Variants in FANCB observed in about 807,000 individuals in gnomAD.
The protein encoded by FANCB is FA complementation group B, also known as Fanconi anemia group B protein.
A neutral mutation model predicts 38.9 loss-of-function variants in FANCB; 5 were observed. The observed-to-expected ratio is 0.13, with a 90% CI of 0.07 to 0.27. FANCB has a LOEUF of 0.27. Among genes scored for constraint, FANCB ranks in the 10% least tolerant of loss-of-function variants. The pLI, the probability that FANCB is intolerant of heterozygous loss-of-function variation, is 1.00. For missense variants in FANCB, 573 were observed against 602.7 expected, an observed-to-expected ratio of 0.95 and a Z score of 0.52; for synonymous variants, 236 against 215.4, an observed-to-expected ratio of 1.10 and a Z score of -0.84.
At chrX:14,775,984 G>A in the FANCB span, among the ~76,000 whole-genome samples, 1 of 110,887 alleles carries the variant, frequency 9.0e-6, no homozygotes, top group Non-Finnish European at 1.9e-5. Flanking sequence ...GTGCCCAGTG[G>A]ACAGGTCATC....
chrX:14,833,671 G>A (rs1459390227), downstream of FANCB, among the ~76,000 whole-genome samples: 1 of 42,181 alleles, frequency 2.4e-5, no homozygotes, highest in South Asian at 1.6e-3. Flanking sequence ...GGGAGGCTGG[G>A]TGTGGGGGGG....
the FANCB span, among the ~76,000 whole-genome samples, chrX:14,749,216 A>G: frequency 8.9e-6 from 1 of 112,043 alleles, no homozygotes; most frequent in Non-Finnish European, 1.9e-5. Flanking sequence ...ACCAAGGAAC[A>G]TTTGTGTGAG....
chrX:14,848,712 C>T (rs2092387779), intron 7 of FANCB, among the ~76,000 whole-genome samples: 1 of 111,936 alleles, frequency 8.9e-6, no homozygotes, highest in Non-Finnish European at 1.9e-5. Flanking sequence ...GTATACTGTA[C>T]TTCTACATAC....
At chrX:14,717,073 T>C in the FANCB span, among the ~76,000 whole-genome samples, 1 of 111,505 alleles carries the variant, frequency 9.0e-6, no homozygotes, top group East Asian at 2.8e-4. Flanking sequence ...AGTTTAGAAG[T>C]ATATCTTAAT....
the FANCB span, among the ~76,000 whole-genome samples, chrX:14,747,189 G>C: frequency 1.8e-5 from 2 of 112,273 alleles, no homozygotes; most frequent in East Asian, 5.6e-4. Flanking sequence ...CAACATAATG[G>C]GAATGTTTTC....
chrX:14,740,525 G>T, the FANCB span, among the ~76,000 whole-genome samples: 1 of 111,800 alleles, frequency 8.9e-6, no homozygotes, highest in Non-Finnish European at 1.9e-5. Context: ...TAGGAGGTTG[G>T]CAAAAGTTTT....
At chrX:14,690,691 GTC>G in the FANCB span, 7,234 of 833,596 alleles carry the variant, frequency 8.7e-3, no homozygotes, top group Non-Finnish European at 0.011. Flanking sequence ...GTGTGTGTGT[GTC>G]TCTCTCTCTC....
At chrX:14,835,157 C>T (rs2092337862), downstream of FANCB, 1 of 534,308 alleles carries the variant, frequency 1.9e-6, no homozygotes, top group Non-Finnish European at 3.4e-6. Context: ...ATGTGCAGTT[C>T]ATCCTTTGCA....
At chrX:14,791,902 T>C in the FANCB span, among the ~76,000 whole-genome samples, 5 of 112,029 alleles carry the variant, frequency 4.5e-5, no homozygotes, top group South Asian at 1.9e-3. Flanking sequence ...TCCTTTTTTA[T>C]ATGAAGCAAT....
chrX:14,779,717 G>A, the FANCB span, among the ~76,000 whole-genome samples: 2 of 107,288 alleles, frequency 1.9e-5, no homozygotes, highest in Admixed American at 9.6e-5. Context: ...AAAACATTGC[G>A]ATAATAATCA....
the FANCB span, among the ~76,000 whole-genome samples, chrX:14,710,613 G>T: frequency 9.0e-6 from 1 of 111,724 alleles, no homozygotes; most frequent in Non-Finnish European, 1.9e-5. Context: ...TATTATGTAC[G>T]TCAAAGATAA....
chrX:14,815,005 T>A, the FANCB span, among the ~76,000 whole-genome samples: 2 of 111,386 alleles, frequency 1.8e-5, no homozygotes, highest in Non-Finnish European at 3.8e-5. Context: ...AGAGGATGAG[T>A]TCATGTCCTT....
At chrX:14,714,493 A>G in the FANCB span, among the ~76,000 whole-genome samples, 1 of 111,919 alleles carries the variant, frequency 8.9e-6, no homozygotes, top group Admixed American at 9.5e-5. Flanking sequence ...GGTGGTAACT[A>G]GGAGTTGTAT....
At chrX:14,861,776 T>C (rs2092447766) in intron 3 of FANCB, among the ~76,000 whole-genome samples, 1 of 112,713 alleles carries the variant, frequency 8.9e-6, no homozygotes, top group African/African-American at 3.2e-5. Context: ...TCTCTTAACC[T>C]GAGTTTTTGG....
chrX:14,754,071 C>T, the FANCB span, among the ~76,000 whole-genome samples: 3 of 111,975 alleles, frequency 2.7e-5, no homozygotes, highest in Admixed American at 9.5e-5. Flanking sequence ...TGTAACCAGA[C>T]GCATTGTGAG....
At chrX:14,706,984 T>G in the FANCB span, among the ~76,000 whole-genome samples, 1 of 111,106 alleles carries the variant, frequency 9.0e-6, no homozygotes, top group African/African-American at 3.3e-5. Flanking sequence ...AATCATTGAA[T>G]GTTCTTTCAC....
chrX:14,701,390 A>C, the FANCB span, among the ~76,000 whole-genome samples: 1 of 111,264 alleles, frequency 9.0e-6, no homozygotes, highest in Non-Finnish European at 1.9e-5. Flanking sequence ...CCCTGGTTCA[A>C]AAACAATTAA....
At chrX:14,758,098 G>C in the FANCB span, among the ~76,000 whole-genome samples, 1 of 110,762 alleles carries the variant, frequency 9.0e-6, no homozygotes, top group Non-Finnish European at 1.9e-5. Context: ...CCCCATTTCC[G>C]CGGTACAGCT....
chrX:14,730,546 A>G, the FANCB span: 5 of 598,710 alleles, frequency 8.4e-6, no homozygotes, highest in Non-Finnish European at 7.3e-6. Flanking sequence ...ATACACAGTG[A>G]AATTGTCTTT....
Sources: gnomAD v4.1 joint callset for allele counts (sites outside exome capture counted in the v4.1 genomes callset) on GRCh38, gnomAD v4.1.1 for gene constraint, MANE v1.5 for transcripts, NCBI Gene and HGNC (gene_info 2026-07-23, HGNC 2026-07-21) for gene names.